Variants in DLGAP1 observed in about 807,000 individuals in gnomAD.
The protein encoded by DLGAP1 is disks large-associated protein 1.
A neutral mutation model predicts 90.8 loss-of-function variants in DLGAP1; 11 were observed. The ratio of observed to expected loss-of-function variants is 0.12; its 90% CI spans 0.08 to 0.20. The LOEUF (loss-of-function observed/expected upper bound fraction) is 0.20, where lower values mean the gene tolerates loss of function less well. DLGAP1 is among the 10% of genes least tolerant of loss of function. DLGAP1 has a pLI of 1.00. For missense variants in DLGAP1, 1,050 were observed against 1,333.8 expected (o/e 0.79, Z 3.31); for synonymous variants, 558 against 540.7 (o/e 1.03, Z -0.44).
intron 3 of DLGAP1, chr18:3,995,641 A>G (rs2074053769): frequency 6.6e-6 from 1 of 151,932 alleles, no homozygotes; most frequent in Non-Finnish European, 1.5e-5. Flanking sequence ...TGGTGATTTC[A>G]GCGCACCTTT....
At chr18:4,088,715 T>C (rs931245841) in intron 2 of DLGAP1, among the ~76,000 whole-genome samples, 1 of 152,126 alleles carries the variant, frequency 6.6e-6, no homozygotes, top group Non-Finnish European at 1.5e-5. Flanking sequence ...ATTATCTCAA[T>C]AGACACGGAA....
intron 4 of DLGAP1, among the ~76,000 whole-genome samples, chr18:3,837,961 A>T (rs1178170526): frequency 6.6e-6 from 1 of 151,518 alleles, no homozygotes; most frequent in African/African-American, 2.4e-5. Context: ...ACCATTTTTT[A>T]AAAACCAGTA....
intron 1 of DLGAP1, among the ~76,000 whole-genome samples, chr18:4,424,033 T>C (rs2083098954): frequency 6.6e-6 from 1 of 151,860 alleles, no homozygotes; most frequent in African/African-American, 2.4e-5. Context: ...GCACCTGTAA[T>C]CCCAGCTACT....
chr18:3,621,328 C>G (rs957351630), intron 7 of DLGAP1, among the ~76,000 whole-genome samples: 2 of 152,112 alleles, frequency 1.3e-5, no homozygotes, highest in Non-Finnish European at 2.9e-5. Context: ...AAAGCTGAAG[C>G]GGGAAGAAGG....
At chr18:4,385,976 T>C (rs1449097358) in intron 1 of DLGAP1, among the ~76,000 whole-genome samples, 1 of 152,114 alleles carries the variant, frequency 6.6e-6, no homozygotes, top group Non-Finnish European at 1.5e-5. Context: ...AAGAAATATA[T>C]GGAATGAGAA....
rs7236361 is a variant in DLGAP1 at position 4,454,161 on chromosome 18, A to T, written c.-267+845T>A. Reference sequence around the variant, plus strand: ...AAAGCGCAGCAGCCGAAGTCCTGAAAGCAGGGTCTTCATCGCCGCGGGCCC... The same window carrying T: ...AAAGCGCAGCAGCCGAAGTCCTGAATGCAGGGTCTTCATCGCCGCGGGCCC... On this transcript the variant is annotated intron_variant, in intron 1 of 12. Coordinates refer to ENST00000315677, the MANE Select transcript of DLGAP1 (RefSeq NM_004746.4). This position sits in a 1 kb window ranked among gnomAD's most constrained non-coding sequence, Gnocchi z 4.7. Among the ~76,000 whole-genome samples the T allele has an allele frequency of 0.076, 11,629 of 152,290 alleles. 958 individuals carry two copies. The highest frequency in any genetic ancestry group is 0.21 in the African/African-American group (8,744 of 41,538).
intron 4 of DLGAP1, among the ~76,000 whole-genome samples, chr18:3,823,190 A>G (rs1291006340): frequency 6.6e-6 from 1 of 152,172 alleles, no homozygotes; most frequent in East Asian, 1.9e-4. Flanking sequence ...TTGGGGTAGG[A>G]CAATCAGCAA....
At chr18:4,088,767 A>G (rs1206704934) in intron 2 of DLGAP1, among the ~76,000 whole-genome samples, 3 of 152,146 alleles carry the variant, frequency 2.0e-5, no homozygotes, top group Non-Finnish European at 4.4e-5. Context: ...TGTTAAAAAA[A>G]CTCTCAATAA....
chr18:4,052,224 C>G (rs1387256639), intron 2 of DLGAP1, among the ~76,000 whole-genome samples: 4 of 152,214 alleles, frequency 2.6e-5, no homozygotes, highest in African/African-American at 7.2e-5. Context: ...GACTCTAACC[C>G]CACATTTCCC....
At chr18:4,029,475 C>T (rs1167967861) in intron 2 of DLGAP1, among the ~76,000 whole-genome samples, 4 of 152,104 alleles carry the variant, frequency 2.6e-5, no homozygotes, top group African/African-American at 9.7e-5. Context: ...GTTCCCTTTC[C>T]TCCACATCCA....
rs542622844 is a variant in DLGAP1 at position 3,511,557 on chromosome 18, A to G, written c.2480-2896T>C. Among the ~76,000 whole-genome samples the G allele has an allele frequency of 1.3e-4, 16 of 124,710 alleles. No individual in the cohort carries two copies. In the East Asian group the frequency reaches 2.8e-3, roughly 22 times the overall value. 81.8% of individuals were successfully genotyped at this position (124,710 alleles called of 152,430 possible). A position where few individuals can be genotyped will look rare whatever the true frequency, so the allele number is the denominator to read the frequency against. On this transcript the variant is annotated intron_variant, in intron 10 of 12. Transcript: ENST00000315677. The stretch of plus-strand genomic sequence containing the variant: ...TGTTCAATACCAACCTTCACGGTGG[A>G]AAAAAAAAAAACAGTTGGCTCTCTG...
intron 2 of DLGAP1, among the ~76,000 whole-genome samples, chr18:4,147,503 G>GT (rs917987387): frequency 1.3e-5 from 2 of 152,070 alleles, no homozygotes; most frequent in African/African-American, 2.4e-5. Flanking sequence ...AGCCAGAGTA[G>GT]TTTTTTTGTA....
At chr18:4,174,073 C>T (rs1003477411) in intron 1 of DLGAP1, among the ~76,000 whole-genome samples, 1 of 152,166 alleles carries the variant, frequency 6.6e-6, no homozygotes, top group African/African-American at 2.4e-5. Flanking sequence ...TCAACCTCCA[C>T]CCTCTTTCTC....
At chr18:3,832,983 G>A (rs143348856) in intron 4 of DLGAP1, among the ~76,000 whole-genome samples, 1 of 152,130 alleles carries the variant, frequency 6.6e-6, no homozygotes, top group Non-Finnish European at 1.5e-5. Context: ...CCTGCTTTCA[G>A]TTGTAATAAA....
intron 1 of DLGAP1, among the ~76,000 whole-genome samples, chr18:4,178,062 C>A (rs1022728611): frequency 6.6e-6 from 1 of 152,110 alleles, no homozygotes; most frequent in East Asian, 1.9e-4. Context: ...CAAATCCACA[C>A]CATCCACGTG....
chr18:3,740,244 G>C (rs981803295), intron 6 of DLGAP1, among the ~76,000 whole-genome samples: 2 of 152,044 alleles, frequency 1.3e-5, no homozygotes, highest in Non-Finnish European at 2.9e-5. Context: ...GAATAAATAT[G>C]TGCTCCAAAA....
chr18:4,120,308 T>C (rs578106422), intron 2 of DLGAP1, among the ~76,000 whole-genome samples: 1 of 152,322 alleles, frequency 6.6e-6, no homozygotes, highest in East Asian at 1.9e-4. Context: ...ATGGCGTCAC[T>C]GACTGGTGGA....
intron 3 of DLGAP1, among the ~76,000 whole-genome samples, chr18:3,890,628 C>T (rs1316706300): frequency 6.6e-6 from 1 of 152,200 alleles, no homozygotes; most frequent in Non-Finnish European, 1.5e-5. Flanking sequence ...TTTAAACAAA[C>T]AAATCCACAT....
chr18:4,195,275 CTTTTT>C (rs770010017), intron 1 of DLGAP1, among the ~76,000 whole-genome samples: 1 of 149,386 alleles, frequency 6.7e-6, no homozygotes, highest in Non-Finnish European at 1.5e-5. Context: ...AGACTTTGAA[CTTTTT>C]TTTTTAACTT....
Sources: allele counts gnomAD v4.1 joint callset (sites outside exome capture counted in the v4.1 genomes callset), GRCh38; gene constraint gnomAD v4.1.1; non-coding constraint Gnocchi (gnomAD v3.1); transcripts MANE v1.5; gene names NCBI Gene and HGNC (gene_info 2026-07-23, HGNC 2026-07-21).